The following RBFA variants were observed in gnomAD, a reference collection of about 807,000 sequenced individuals.
The protein encoded by RBFA is putative ribosome-binding factor A, mitochondrial.
In RBFA, 16 loss-of-function variants were observed where a neutral mutation model predicts 27.9. The observed-to-expected ratio is 0.57, with a 90% CI of 0.39 to 0.87. The LOEUF is 0.87. RBFA is among the 40% of genes least tolerant of loss of function. The probability of loss-of-function intolerance (pLI) is 0.00; values close to 1 mark genes in which losing one functional copy is unlikely to be tolerated. For synonymous variants in RBFA, 181 were observed against 181.0 expected (o/e 1.00, Z 0.00); for missense variants, 456 against 432.1 (o/e 1.06, Z -0.49).
chr18:80,035,641 G>GC (rs1287765388), intron 1 of RBFA: 7 of 152,148 alleles, frequency 4.6e-5, no homozygotes, highest in African/African-American at 1.4e-4. Flanking sequence ...TACTCTTTTT[G>GC]CCCCCTTTCC....
At chr18:80,034,944 A>T in intron 1 of RBFA, 1 of 378,930 alleles carries the variant, frequency 2.6e-6, no homozygotes, top group Admixed American at 5.1e-5. Flanking sequence ...AAATGAAAAA[A>T]TATAAGAATT....
At position 80,047,877 on chromosome 18, in the gene RBFA, T is replaced by C. The variant is rs1265872498; in HGVS notation, c.*1722T>C. ...AATCATATAGGTCAGGATAATGAGG[T>C]GATACTGCAGTGACAAATGGCAAAT... On this transcript the variant is annotated 3_prime_UTR_variant, in exon 7 of 7. Coordinates refer to ENST00000306735, the MANE Select transcript of RBFA (RefSeq NM_024805.3). 6.6e-6 allele frequency among the ~76,000 whole-genome samples: 1 copy of C among 152,138 alleles called. No homozygotes were observed. Among genetic ancestry groups the C allele is most frequent in the Non-Finnish European group, 1.5e-5 (1 of 68,024 alleles).
chr18:80,046,623 A>T lies in RBFA; in HGVS notation c.*468A>T, dbSNP rs1427912095. 6.6e-6 allele frequency among the ~76,000 whole-genome samples: 1 copy of T among 151,604 alleles called. No individual in the cohort carries two copies. The highest frequency in any genetic ancestry group is 1.5e-5 in the Non-Finnish European group (1 of 67,854). Reference sequence around the variant, plus strand: ...GCTGGCACGTGGCGCCGGGGGCTCCATCCCTGGGGCTGCTGGGTCGGCACG... The same window carrying T: ...GCTGGCACGTGGCGCCGGGGGCTCCTTCCCTGGGGCTGCTGGGTCGGCACG... On this transcript the variant is annotated 3_prime_UTR_variant, in exon 7 of 7. Transcript: ENST00000306735.
intron 6 of RBFA, 97 bp downstream of exon 6, chr18:80,044,382 T>C (rs2145149028): frequency 9.3e-7 from 1 of 1,072,604 alleles, no homozygotes; most frequent in Non-Finnish European, 1.4e-6. Context: ...ACATCCCGAG[T>C]AGCCTGCATG....
rs1381383276 is a variant in RBFA at position 80,046,916 on chromosome 18, A to G, written c.*761A>G. The G allele has an allele frequency of 6.6e-6, 1 of 152,546 alleles. No individual in the cohort carries two copies. The highest frequency in any genetic ancestry group is 6.5e-5 in the Admixed American group (1 of 15,290). The allele number at this position is 152,546 out of a possible 1,614,324, so 9.4% of individuals were successfully genotyped here. On this transcript the variant is annotated 3_prime_UTR_variant, in exon 7 of 7. Coordinates refer to ENST00000306735, the MANE Select transcript of RBFA (RefSeq NM_024805.3). ...TGAAGAGTGTGCGACTCTGAGTCAT[A>G]CTGAATTCTTTGTGTCACCTCCGAC...
At chr18:80,039,479 C>T (rs1448187587) in intron 4 of RBFA, among the ~76,000 whole-genome samples, 2 of 152,172 alleles carry the variant, frequency 1.3e-5, no homozygotes, top group Admixed American at 1.3e-4. Flanking sequence ...AGAAAAGCAT[C>T]AGTGAGCAGA....
chr18:80,050,072 A>G lies in RBFA; in HGVS notation c.*3917A>G, dbSNP rs1344017751. On this transcript the variant is annotated 3_prime_UTR_variant, in exon 7 of 7. Transcript: ENST00000306735. ...GTTTTCTTCCCCACTCCTTTTGTCC[A>G]GAAGGAAAACCTGGTTTTACATCAG... Among the ~76,000 whole-genome samples, 1 of 152,226 alleles carries G rather than the reference A, an allele frequency of 6.6e-6. No individual in the cohort carries two copies. Among genetic ancestry groups the G allele is most frequent in the Admixed American group, 6.5e-5 (1 of 15,278 alleles).
chr18:80,034,541 C>G lies in RBFA; in HGVS notation c.46C>G (p.Arg16Gly), dbSNP rs775305464. ...GGLWRSRAGL[R>G]ALFRSRDAAL... Reference sequence around the variant, plus strand: ...GCTGTGGCGCTCCCGCGCGGGTCTCCGGGCCCTGTTCCGTAGCCGCGATGC... The same window carrying G: ...GCTGTGGCGCTCCCGCGCGGGTCTCGGGGCCCTGTTCCGTAGCCGCGATGC... The change falls in exon 1 of 7, where the codon CGG (arginine) becomes GGG (glycine). Residue 16 changes from arginine to glycine, a missense_variant. Arg to Gly is a moderately radical substitution (Grantham distance 125). Transcript: ENST00000306735. 11 of 1,600,296 alleles carry G rather than the reference C, an allele frequency of 6.9e-6. No individual in the cohort carries two copies. The highest frequency in any genetic ancestry group is 1.1e-5 in the South Asian group (1 of 89,568).
rs2052080962 is a variant in RBFA at position 80,049,355 on chromosome 18, A to C, written c.*3200A>C. Among the ~76,000 whole-genome samples, 1 of 151,892 alleles carries C rather than the reference A, an allele frequency of 6.6e-6. No homozygotes were observed. The highest frequency in any genetic ancestry group is 2.1e-4 in the South Asian group (1 of 4,820). ...GGACATGGAAGCTCACGCCCTTCTGAATGGGTCCACTCCCGGGGATTTCCA... is the reference window on the plus strand; with the variant it reads ...GGACATGGAAGCTCACGCCCTTCTGCATGGGTCCACTCCCGGGGATTTCCA... On this transcript the variant is annotated 3_prime_UTR_variant, in exon 7 of 7. Transcript: ENST00000306735.
intron 1 of RBFA, 67 bp from the exon 2 acceptor site, chr18:80,036,601 C>G: frequency 1.6e-6 from 2 of 1,213,390 alleles, no homozygotes; most frequent in Non-Finnish European, 2.4e-6. Flanking sequence ...ATCATAACCT[C>G]TTAAATTAGC....
At chr18:80,036,365 A>G (rs2051978893) in intron 1 of RBFA, among the ~76,000 whole-genome samples, 1 of 152,134 alleles carries the variant, frequency 6.6e-6, no homozygotes, top group Non-Finnish European at 1.5e-5. Context: ...AAACATCTTT[A>G]TCAATTAGCG....
chr18:80,041,811 C>G (rs1789556777), intron 4 of RBFA: 1 of 156,958 alleles, frequency 6.4e-6, no homozygotes, highest in Non-Finnish European at 1.4e-5. Flanking sequence ...ACTGCAAGTT[C>G]CGCCTCCCGG....
intron 5 of RBFA, 58 bp from the exon 6 acceptor site, chr18:80,044,154 C>A: frequency 7.0e-7 from 1 of 1,422,698 alleles, no homozygotes; most frequent in Non-Finnish European, 9.9e-7. Context: ...TGGAGCCCGG[C>A]TGTAAGTATG....
At position 80,036,690 on chromosome 18, in the gene RBFA, C is replaced by T. The variant is rs2145141797; in HGVS notation, c.181C>T (p.Pro61Ser). Reference sequence around the variant, plus strand: ...AAGAAAAAAGGTTTGGTATGAAAGTCCTTCCTTGGGTTCTCACTCGGTGAG... The same window carrying T: ...AAGAAAAAAGGTTTGGTATGAAAGTTCTTCCTTGGGTTCTCACTCGGTGAG... ...KTKKKVWYESPSLGSHSTYKP... is the reference protein window; with the variant it reads ...KTKKKVWYESSSLGSHSTYKP... Residue 61 changes from proline to serine, a missense_variant, in exon 2 of 7, where the codon CCT becomes TCT. Pro to Ser is a moderately conservative substitution (Grantham distance 74, BLOSUM62 -1). Coordinates refer to ENST00000306735, the MANE Select transcript of RBFA (RefSeq NM_024805.3). The T allele has an allele frequency of 6.2e-7, 1 of 1,612,552 alleles. No homozygotes were observed.
chr18:80,038,596 A>C lies in RBFA; in HGVS notation c.470A>C (p.Gln157Pro). 6.2e-7 allele frequency: 1 copy of C among 1,613,784 alleles called. No individual in the cohort carries two copies. Among genetic ancestry groups the C allele is most frequent in the Non-Finnish European group, 8.5e-7 (1 of 1,179,656 alleles). Residue 157 changes from glutamine to proline, a missense_variant, in exon 4 of 7, where the codon CAG (glutamine) becomes CCG (proline). Gln to Pro is a moderately conservative substitution (Grantham distance 76). Transcript: ENST00000306735. The part of the protein sequence containing the change: ...EQNAHMEAVL[Q>P]RSAAHMRHLL... Reference sequence around the variant, plus strand: ...AACGCACACATGGAGGCTGTCCTGCAGAGAAGTGCCGCGCACATGAGGTGA... The same window carrying C: ...AACGCACACATGGAGGCTGTCCTGCCGAGAAGTGCCGCGCACATGAGGTGA...
intron 4 of RBFA, 113 bp downstream of exon 4, chr18:80,038,730 G>T: frequency 2.8e-6 from 2 of 705,428 alleles, no homozygotes; most frequent in Non-Finnish European, 2.3e-6. Flanking sequence ...TGCTTTTAAA[G>T]AAAATTTTGG....
Position 80,048,089 on chromosome 18 carries a change from A to G in RBFA, c.*1934A>G, listed in dbSNP as rs1034026528. The G allele has an allele frequency of 6.6e-6, 1 of 152,234 alleles. No individual in the cohort carries two copies. Among genetic ancestry groups the G allele is most frequent in the African/African-American group, 2.4e-5 (1 of 41,462 alleles). The allele number at this position is 152,234 out of a possible 1,614,324, so 9.4% of individuals were successfully genotyped here. ...TGATGATTTACGAGCGCAACATCCT[A>G]AAAAACGTTTTTGTATTTCCCTAGC... is the stretch of plus-strand genomic sequence containing the variant. On this transcript the variant is annotated 3_prime_UTR_variant, in exon 7 of 7. Transcript: ENST00000306735.
Position 80,034,546 on chromosome 18 carries a change from C to G in RBFA, c.51C>G (p.Ala17=). The G allele has an allele frequency of 6.2e-7, 1 of 1,607,348 alleles. No individual in the cohort carries two copies. Among genetic ancestry groups the G allele is most frequent in the Non-Finnish European group, 8.5e-7 (1 of 1,178,600 alleles). The change falls in exon 1 of 7, where the codon GCC becomes GCG. Residue 17 remains alanine (A), a synonymous_variant. Coordinates refer to ENST00000306735, the MANE Select transcript of RBFA (RefSeq NM_024805.3). The part of the protein sequence containing the change: ...GLWRSRAGLR[A]LFRSRDAALF... ...GGCGCTCCCGCGCGGGTCTCCGGGC[C>G]CTGTTCCGTAGCCGCGATGCTGCGC...
At chr18:80,035,945 A>G (rs2051975932) in intron 1 of RBFA, 1 of 152,104 alleles carries the variant, frequency 6.6e-6, no homozygotes, top group Admixed American at 6.6e-5. Context: ...ACTTTCTGGC[A>G]CTACAAGATA....
Sources: gnomAD v4.1 joint callset for allele counts (sites outside exome capture counted in the v4.1 genomes callset) on GRCh38, gnomAD v4.1.1 for gene constraint, MANE v1.5 for transcripts, NCBI Gene and HGNC (gene_info 2026-07-23, HGNC 2026-07-21) for gene names.